COMMD5: variants seen among roughly 807,000 people sequenced by gnomAD.
COMMD5 encodes COMM domain containing 5.
Under a neutral mutation model 6.9 loss-of-function variants are expected in COMMD5, and 10 were observed. The observed-to-expected ratio is 1.44, with a 90% CI of 0.89 to 2.45. COMMD5 has a LOEUF of 2.45. Among genes scored for constraint, COMMD5 ranks in the 30% most tolerant of loss-of-function variants. The pLI, the probability that COMMD5 is intolerant of heterozygous loss-of-function variation, is 0.00. For synonymous variants in COMMD5, 127 were observed against 125.3 expected (o/e 1.01, Z -0.09); for missense variants, 234 against 287.8 (o/e 0.81, Z 1.35).
chr8:144,845,939 G>A, downstream of COMMD5: 4 of 1,530,634 alleles, frequency 2.6e-6, no homozygotes, highest in Non-Finnish European at 3.5e-6. Flanking sequence ...TCACCTTCAG[G>A]TCTAGCACAG....
chr8:144,842,305 C>G, intron 1 of COMMD5: 2 of 1,614,024 alleles, frequency 1.2e-6, no homozygotes, highest in Non-Finnish European at 1.7e-6. Context: ...CAGTCCAAGC[C>G]TTGTTGCACA....
chr8:144,844,061 A>C (rs768820830), intron 1 of COMMD5, among the ~76,000 whole-genome samples: 11 of 152,196 alleles, frequency 7.2e-5, no homozygotes, highest in Non-Finnish European at 1.3e-4. Flanking sequence ...CCAGGCACAG[A>C]AGCAAGGTGT....
chr8:144,838,184 G>A (rs773146183), downstream of COMMD5: 1,146 of 701,498 alleles, frequency 1.6e-3, 16 homozygotes, highest in Middle Eastern at 2.1e-3. Flanking sequence ...TCCTTCACAC[G>A]GCTGCCTTCT....
At chr8:144,846,765 C>G (rs1830531880), downstream of COMMD5, 1 of 152,332 alleles carries the variant, frequency 6.6e-6, no homozygotes, top group Admixed American at 6.5e-5. Context: ...GTGGTGCGGT[C>G]TCGGCTCACT....
exon 2 of COMMD5, chr8:144,841,189 T>G: frequency 1.4e-6 from 1 of 702,672 alleles, no homozygotes; most frequent in South Asian, 1.9e-5. Flanking sequence ...AAACCACTTT[T>G]GAGAACTGTC....
intron 1 of COMMD5, chr8:144,843,188 G>GTA (rs1428157071): frequency 1.9e-6 from 3 of 1,539,626 alleles, no homozygotes; most frequent in Non-Finnish European, 2.6e-6. Context: ...ATATAAATGT[G>GTA]TATATATGTG....
chr8:144,851,609 T>A (rs184175436), intron 1 of COMMD5, among the ~76,000 whole-genome samples: 1 of 151,224 alleles, frequency 6.6e-6, no homozygotes, highest in East Asian at 2.0e-4. Flanking sequence ...ATCTAAGGCA[T>A]GAAGGACAAG....
chr8:144,844,007 C>A (rs1179963741), intron 1 of COMMD5, among the ~76,000 whole-genome samples: 1 of 152,152 alleles, frequency 6.6e-6, no homozygotes, highest in Non-Finnish European at 1.5e-5. Flanking sequence ...AGGTACACGC[C>A]ATCATTACTG....
At chr8:144,851,596 G>A (rs1258274852) in intron 1 of COMMD5, among the ~76,000 whole-genome samples, 1 of 151,886 alleles carries the variant, frequency 6.6e-6, no homozygotes, top group Non-Finnish European at 1.5e-5. Context: ...CAGAGGAAGT[G>A]ACATCTAAGG....
intron 1 of COMMD5, chr8:144,841,836 C>T (rs978195061): frequency 8.1e-6 from 13 of 1,614,056 alleles, no homozygotes; most frequent in Non-Finnish European, 9.3e-6. Flanking sequence ...ATACAAATAA[C>T]TGCCATGGAG....
chr8:144,845,136 G>T (rs969520282), intron 1 of COMMD5, among the ~76,000 whole-genome samples: 1 of 152,180 alleles, frequency 6.6e-6, no homozygotes, highest in Non-Finnish European at 1.5e-5. Flanking sequence ...AACTCAGCCT[G>T]AAAGACTGCC....
intron 1 of COMMD5, among the ~76,000 whole-genome samples, chr8:144,844,924 TAGGG>T (rs146442184): frequency 0.039 from 5,832 of 149,262 alleles, 322 homozygotes; most frequent in East Asian, 0.23. Context: ...GGGGAGAACT[TAGGG>T]AGAGGAAGTG....
At chr8:144,842,562 T>G in intron 1 of COMMD5, 1 of 1,614,132 alleles carries the variant, frequency 6.2e-7, no homozygotes, top group Non-Finnish European at 8.5e-7. Flanking sequence ...CACACCTTAT[T>G]CAGCATCAGC....
intron 1 of COMMD5, among the ~76,000 whole-genome samples, chr8:144,844,526 C>T (rs1313376796): frequency 2.0e-5 from 3 of 151,240 alleles, no homozygotes; most frequent in East Asian, 3.9e-4. Context: ...CTGGCTAACA[C>T]AGTGAAACCC....
intron 1 of COMMD5, chr8:144,843,192 A>C: frequency 6.5e-7 from 1 of 1,537,660 alleles, no homozygotes; most frequent in Non-Finnish European, 8.7e-7. Flanking sequence ...AAATGTGTAT[A>C]TATGTGAATA....
chr8:144,845,638 CCAA>C (rs562494934), downstream of COMMD5, among the ~76,000 whole-genome samples: 31 of 152,192 alleles, frequency 2.0e-4, no homozygotes, highest in Non-Finnish European at 3.4e-4. Context: ...AGGCATGAGG[CCAA>C]CTGTAAGACC....
At position 144,851,188 on chromosome 8, in the gene COMMD5, A is replaced by G. The variant is rs771796478; in HGVS notation, c.151T>C (p.Leu51=). The part of the protein sequence containing the change: ...GDLDRSTFRK[L]LKFVVSSLQG... Reference sequence around the variant, plus strand: ...AGGCTGCTGACCACAAACTTCAGCAACTTTCTGAACGTGCTCCTGTCTAGG... The same window carrying G: ...AGGCTGCTGACCACAAACTTCAGCAGCTTTCTGAACGTGCTCCTGTCTAGG... Residue 51 remains leucine (L), a synonymous_variant, in exon 2 of 2, where the codon TTG becomes CTG. Coordinates refer to ENST00000305103, the MANE Select transcript of COMMD5 (RefSeq NM_014066.4). 4.3e-6 allele frequency: 7 copies of G among 1,613,782 alleles called. No homozygotes were observed. The South Asian group carries it at 7.7e-5, about 18-fold the overall frequency.
downstream of COMMD5, among the ~76,000 whole-genome samples, chr8:144,839,521 A>G (rs1476410037): frequency 6.6e-6 from 1 of 152,240 alleles, no homozygotes; most frequent in Non-Finnish European, 1.5e-5. Flanking sequence ...AAAGCCAGCT[A>G]CAGTTGGCAG....
intron 1 of COMMD5, chr8:144,841,974 G>C: frequency 6.2e-7 from 1 of 1,614,166 alleles, no homozygotes; most frequent in Non-Finnish European, 8.5e-7. Context: ...CCTTCCGCCT[G>C]AGCTCAAAAC....
Sources: allele counts gnomAD v4.1 joint callset (sites outside exome capture counted in the v4.1 genomes callset), GRCh38; gene constraint gnomAD v4.1.1; transcripts MANE v1.5; gene names NCBI Gene and HGNC (gene_info 2026-07-23, HGNC 2026-07-21).